PRKD1: variants seen among roughly 807,000 people sequenced by gnomAD.
PRKD1 encodes the protein serine/threonine-protein kinase D1.
In PRKD1, 63 loss-of-function variants were observed where a neutral mutation model predicts 95.9. That is an observed-to-expected ratio of 0.66 (90% CI 0.54 to 0.81). The LOEUF is 0.81. PRKD1 is among the 30% of genes least tolerant of loss of function. PRKD1 has a pLI of 0.00. For synonymous variants in PRKD1, 425 were observed against 423.1 expected, an observed-to-expected ratio of 1.00 and a Z score of -0.05; for missense variants, 1,048 against 1,165.3, an observed-to-expected ratio of 0.90 and a Z score of 1.47.
intron 1 of PRKD1, among the ~76,000 whole-genome samples, chr14:29,779,499 A>C (rs1242763326): frequency 2.0e-5 from 3 of 152,138 alleles, no homozygotes; most frequent in Non-Finnish European, 2.9e-5. Context: ...AATAACGGAT[A>C]AACAGAGAGC....
chr14:29,619,040 G>C (rs918815860), intron 13 of PRKD1, among the ~76,000 whole-genome samples: 2 of 152,114 alleles, frequency 1.3e-5, no homozygotes, highest in Non-Finnish European at 2.9e-5. Context: ...ATAAGCTAGA[G>C]GACCACAAAG....
chr14:29,645,934 T>A (rs1027218690), intron 4 of PRKD1, among the ~76,000 whole-genome samples: 11 of 152,136 alleles, frequency 7.2e-5, no homozygotes, highest in African/African-American at 2.7e-4. Flanking sequence ...AACTGTATTA[T>A]TTACCTCTTA....
intron 1 of PRKD1, among the ~76,000 whole-genome samples, chr14:29,873,824 A>C (rs1270160912): frequency 1.3e-5 from 2 of 151,636 alleles, no homozygotes; most frequent in African/African-American, 4.8e-5. Context: ...ATAATATATA[A>C]ATTATTTTAA....
At chr14:29,636,737 C>T (rs969157899) in intron 6 of PRKD1, among the ~76,000 whole-genome samples, 19 of 152,074 alleles carry the variant, frequency 1.2e-4, no homozygotes, top group Non-Finnish European at 2.9e-5. Flanking sequence ...AGGTATTAAG[C>T]CTGGTACCCA....
chr14:29,669,391 A>C (rs1046825691), intron 2 of PRKD1, among the ~76,000 whole-genome samples: 10 of 152,326 alleles, frequency 6.6e-5, no homozygotes, highest in African/African-American at 2.2e-4. Context: ...TGAATTGATT[A>C]GTTCGTCCCA....
At chr14:29,866,993 T>C (rs912596313) in intron 1 of PRKD1, among the ~76,000 whole-genome samples, 1 of 152,172 alleles carries the variant, frequency 6.6e-6, no homozygotes, top group Non-Finnish European at 1.5e-5. Flanking sequence ...CTTACACCCA[T>C]AGTCTCACCC....
In PRKD1 at chr14:29,597,479, G is replaced by C. The variant is rs369794113; in HGVS notation, c.2434+12C>G. 1.0e-5 allele frequency: 16 copies of C among 1,559,636 alleles called. No individual in the cohort carries two copies. The highest frequency in any genetic ancestry group is 1.2e-5 in the Non-Finnish European group (14 of 1,144,596). Reference sequence around the variant, plus strand: ...GATTAGATTATTATCATTTTTGAATGGAAGATATTACCTTCATGAGATATT... The same window carrying C: ...GATTAGATTATTATCATTTTTGAATCGAAGATATTACCTTCATGAGATATT... On this transcript the variant is annotated intron_variant, in intron 16 of 17. Coordinates refer to ENST00000331968, the MANE Select transcript of PRKD1 (RefSeq NM_002742.3).
chr14:29,744,694 C>T (rs1327063214), intron 1 of PRKD1, among the ~76,000 whole-genome samples: 2 of 152,014 alleles, frequency 1.3e-5, no homozygotes, highest in Non-Finnish European at 2.9e-5. Flanking sequence ...TTACAGGTGC[C>T]CGCCACCATG....
In PRKD1 at chr14:29,847,376, T is replaced by C. The variant is rs184231611; in HGVS notation, c.264+79873A>G. 2.0e-3 allele frequency among the ~76,000 whole-genome samples: 307 copies of C among 152,288 alleles called. 1 individual carries two copies. The highest frequency in any genetic ancestry group is 3.4e-3 in the Middle Eastern group (1 of 294). On this transcript the variant is annotated intron_variant, in intron 1 of 17. Coordinates refer to ENST00000331968, the MANE Select transcript of PRKD1 (RefSeq NM_002742.3). Reference sequence around the variant, plus strand: ...AAACTTATCTAAGCTAATTTCTCCATATACAACATGAGGTTCTTTTTTGGT... The same window carrying C: ...AAACTTATCTAAGCTAATTTCTCCACATACAACATGAGGTTCTTTTTTGGT...
In PRKD1 at chr14:29,665,332, G is replaced by A. The variant is rs183027007; in HGVS notation, c.535+745C>T. ...TTTTAGTGTAGCTGTCACCCAAATG[G>A]TTTATGTTCATTGTACACAATAGGT... is the stretch of plus-strand genomic sequence containing the variant. On this transcript the variant is annotated intron_variant, in intron 3 of 17. Transcript: ENST00000331968. 5.2e-3 allele frequency among the ~76,000 whole-genome samples: 789 copies of A among 152,202 alleles called. 2 individuals are homozygous for A. The highest frequency in any genetic ancestry group is 8.8e-3 in the Non-Finnish European group (597 of 67,998).
At chr14:29,720,793 A>AT (rs1885855527) in intron 2 of PRKD1, among the ~76,000 whole-genome samples, 2 of 150,378 alleles carry the variant, frequency 1.3e-5, no homozygotes, top group Admixed American at 6.7e-5. Flanking sequence ...AAAAATAAAT[A>AT]AATAAATAAA....
At chr14:29,815,832 T>G (rs930939741) in intron 1 of PRKD1, among the ~76,000 whole-genome samples, 22 of 152,324 alleles carry the variant, frequency 1.4e-4, no homozygotes, top group African/African-American at 5.3e-4. Context: ...TACCTCTTCT[T>G]GACATATTAA....
intron 4 of PRKD1, among the ~76,000 whole-genome samples, chr14:29,653,797 G>A (rs1407589043): frequency 6.6e-6 from 1 of 152,010 alleles, no homozygotes; most frequent in Non-Finnish European, 1.5e-5. Flanking sequence ...AATACATAAA[G>A]ACTATAAGCA....
At chr14:29,809,389 C>A (rs1336574039) in intron 1 of PRKD1, among the ~76,000 whole-genome samples, 2 of 152,182 alleles carry the variant, frequency 1.3e-5, no homozygotes, top group African/African-American at 4.8e-5. Context: ...CAGGCATTCT[C>A]CTCTCTAGCT....
intron 1 of PRKD1, among the ~76,000 whole-genome samples, chr14:29,895,123 G>C (rs189438078): frequency 6.6e-6 from 1 of 151,980 alleles, no homozygotes; most frequent in Non-Finnish European, 1.5e-5. Flanking sequence ...CAAGGTCAGG[G>C]GTTCGAGACC....
intron 1 of PRKD1, among the ~76,000 whole-genome samples, chr14:29,857,507 C>T (rs1178155394): frequency 6.6e-6 from 1 of 152,236 alleles, no homozygotes; most frequent in African/African-American, 2.4e-5. Context: ...AGGTCCTCTA[C>T]ATTCTCTGAG....
intron 1 of PRKD1, among the ~76,000 whole-genome samples, chr14:29,779,498 T>C (rs12880161): frequency 0.17 from 26,234 of 151,154 alleles, 2,396 homozygotes; most frequent in South Asian, 0.22. Context: ...CAATAACGGA[T>C]AAACAGAGAG....
At chr14:29,749,284 A>C (rs1887370070) in intron 1 of PRKD1, among the ~76,000 whole-genome samples, 3 of 152,188 alleles carry the variant, frequency 2.0e-5, no homozygotes, top group African/African-American at 7.2e-5. Flanking sequence ...TTCTTCAAAA[A>C]AGCATGAAAG....
At chr14:29,639,313 A>T (rs1038989834) in intron 4 of PRKD1, among the ~76,000 whole-genome samples, 3 of 152,212 alleles carry the variant, frequency 2.0e-5, no homozygotes, top group African/African-American at 7.2e-5. Context: ...GAAAATGAAA[A>T]GTAAATGCCT....
Sources: allele counts gnomAD v4.1 joint callset (sites outside exome capture counted in the v4.1 genomes callset), GRCh38; gene constraint gnomAD v4.1.1; transcripts MANE v1.5; gene names NCBI Gene and HGNC (gene_info 2026-07-23, HGNC 2026-07-21).